MPPED2: variants seen among roughly 807,000 people sequenced by gnomAD.
MPPED2 encodes the protein metallophosphoesterase domain containing 2.
In MPPED2, 5 loss-of-function variants were observed where a neutral mutation model predicts 33.0. That is an observed-to-expected ratio of 0.15 (90% CI 0.08 to 0.32). The LOEUF is 0.32. MPPED2 is among the 10% of genes least tolerant of loss of function. MPPED2 has a pLI of 1.00. For missense variants in MPPED2, 275 were observed against 372.1 expected, an observed-to-expected ratio of 0.74 and a Z score of 2.15; for synonymous variants, 136 against 141.9, an observed-to-expected ratio of 0.96 and a Z score of 0.29.
chr11:30,487,014 C>T (rs1203199754), intron 4 of MPPED2, among the ~76,000 whole-genome samples: 1 of 152,202 alleles, frequency 6.6e-6, no homozygotes, highest in Non-Finnish European at 1.5e-5. Flanking sequence ...CTCATTCATT[C>T]GTTCAGAAGA....
At chr11:30,513,486 G>A (rs893277067) in intron 3 of MPPED2, among the ~76,000 whole-genome samples, 3 of 152,184 alleles carry the variant, frequency 2.0e-5, no homozygotes, top group African/African-American at 7.2e-5. Context: ...TAAAAGTATA[G>A]TTCCTATGGT....
chr11:30,515,485 A>G (rs1189070799), intron 3 of MPPED2, among the ~76,000 whole-genome samples: 8 of 152,130 alleles, frequency 5.3e-5, no homozygotes, highest in Admixed American at 5.2e-4. Flanking sequence ...GGAGATAGAA[A>G]CTAGGGGCTA....
At chr11:30,526,572 T>G (rs1429202628) in intron 3 of MPPED2, among the ~76,000 whole-genome samples, 1 of 152,180 alleles carries the variant, frequency 6.6e-6, no homozygotes, top group South Asian at 2.1e-4. Flanking sequence ...CTCTGGCATA[T>G]TCTCCTTTGT....
chr11:30,416,479 G>C (rs1245423960), intron 5 of MPPED2, among the ~76,000 whole-genome samples: 1 of 152,092 alleles, frequency 6.6e-6, no homozygotes, highest in African/African-American at 2.4e-5. Context: ...GGCAAAGGAG[G>C]GGGGTAACAT....
At chr11:30,527,234 T>C (rs1263856386) in intron 3 of MPPED2, among the ~76,000 whole-genome samples, 1 of 152,068 alleles carries the variant, frequency 6.6e-6, no homozygotes, top group African/African-American at 2.4e-5. Context: ...CCGGCCTCTA[T>C]TTTCTATTTA....
chr11:30,389,319 T>G (rs1947742412), intron 6 of MPPED2, among the ~76,000 whole-genome samples: 1 of 152,192 alleles, frequency 6.6e-6, no homozygotes, highest in Admixed American at 6.5e-5. Flanking sequence ...GAACATAGTG[T>G]GTGTGGTCAC....
In MPPED2 at chr11:30,536,967, G is replaced by A. The variant is rs575107862; in HGVS notation, c.129-792C>T. Among the ~76,000 whole-genome samples the A allele has an allele frequency of 3.3e-5, 5 of 152,188 alleles. No homozygotes were observed. The East Asian group carries it at 5.8e-4, about 18-fold the overall frequency. Reference sequence around the variant, plus strand: ...ATGGGATGTATATATCTACATATACGTTAATATATGTATAGTTTTAGAGAC... The same window carrying A: ...ATGGGATGTATATATCTACATATACATTAATATATGTATAGTTTTAGAGAC... On this transcript the variant is annotated intron_variant, in intron 2 of 6. Coordinates refer to ENST00000358117, the MANE Select transcript of MPPED2 (RefSeq NM_001584.3).
At chr11:30,415,893 CAAGTCCCTTGA>C (rs1465339111) in intron 5 of MPPED2, among the ~76,000 whole-genome samples, 2 of 152,156 alleles carry the variant, frequency 1.3e-5, no homozygotes, top group African/African-American at 4.8e-5. Flanking sequence ...TGAAGATGTC[CAAGTCCCTTGA>C]AATAAATAGC....
intron 3 of MPPED2, among the ~76,000 whole-genome samples, chr11:30,497,360 C>T (rs1001755008): frequency 6.6e-6 from 1 of 152,150 alleles, no homozygotes; most frequent in Admixed American, 6.6e-5. Flanking sequence ...CCCTATGAGT[C>T]TAATAGTGCT....
At chr11:30,519,035 C>T (rs1215980510) in intron 3 of MPPED2, among the ~76,000 whole-genome samples, 2 of 151,888 alleles carry the variant, frequency 1.3e-5, no homozygotes, top group Non-Finnish European at 2.9e-5. Flanking sequence ...AATTCTAGCA[C>T]TTTGAAAGGC....
intron 4 of MPPED2, among the ~76,000 whole-genome samples, chr11:30,431,963 T>C (rs1235579837): frequency 6.6e-6 from 1 of 152,060 alleles, no homozygotes; most frequent in African/African-American, 2.4e-5. Flanking sequence ...TCACCTGAGG[T>C]CAGGAGTTTA....
intron 4 of MPPED2, among the ~76,000 whole-genome samples, chr11:30,442,476 TCAGGGAACCAA>T (rs1028709659): frequency 1.3e-5 from 2 of 152,182 alleles, no homozygotes; most frequent in African/African-American, 4.8e-5. Context: ...CAAGGTCTGA[TCAGGGAACCAA>T]ATGTGAAAAT....
chr11:30,450,309 G>C (rs1315437863), intron 4 of MPPED2, among the ~76,000 whole-genome samples: 9 of 152,172 alleles, frequency 5.9e-5, no homozygotes. Flanking sequence ...CCTACTCCTT[G>C]TCTATATCAG....
chr11:30,448,934 G>A (rs1303388001), intron 4 of MPPED2, among the ~76,000 whole-genome samples: 3 of 151,294 alleles, frequency 2.0e-5, no homozygotes, highest in Non-Finnish European at 2.9e-5. Context: ...GATTACAGGC[G>A]TGAGCCACCA....
At chr11:30,540,968 A>G (rs771579939) in intron 2 of MPPED2, among the ~76,000 whole-genome samples, 1 of 152,178 alleles carries the variant, frequency 6.6e-6, no homozygotes, top group Non-Finnish European at 1.5e-5. Context: ...ACTGGGGAGA[A>G]TCCCTCCCTT....
At chr11:30,407,107 G>T (rs1296447811), downstream of MPPED2, among the ~76,000 whole-genome samples, 1 of 152,172 alleles carries the variant, frequency 6.6e-6, no homozygotes, top group Non-Finnish European at 1.5e-5. Context: ...CTAGGTCACG[G>T]TATTTATTTA....
At chr11:30,526,220 A>G (rs1954168193) in intron 3 of MPPED2, among the ~76,000 whole-genome samples, 1 of 152,210 alleles carries the variant, frequency 6.6e-6, no homozygotes, top group Non-Finnish European at 1.5e-5. Flanking sequence ...ATTACAGACA[A>G]AACAAGCTGT....
intron 6 of MPPED2, among the ~76,000 whole-genome samples, chr11:30,396,244 T>G (rs543191697): frequency 6.6e-6 from 1 of 152,268 alleles, no homozygotes; most frequent in Non-Finnish European, 1.5e-5. Flanking sequence ...CTGGAGCAAC[T>G]TGACCCCTCA....
chr11:30,396,782 G>T (rs1947844729), intron 6 of MPPED2, among the ~76,000 whole-genome samples: 1 of 152,100 alleles, frequency 6.6e-6, no homozygotes, highest in Non-Finnish European at 1.5e-5. Context: ...TAGAAAAATA[G>T]AAAGGGAAAG....
Sources: gnomAD v4.1 joint callset for allele counts (sites outside exome capture counted in the v4.1 genomes callset) on GRCh38, gnomAD v4.1.1 for gene constraint, MANE v1.5 for transcripts, NCBI Gene and HGNC (gene_info 2026-07-23, HGNC 2026-07-21) for gene names.